The following EML6 variants were observed in gnomAD, a reference collection of about 807,000 sequenced individuals.
EML6 encodes echinoderm microtubule-associated protein-like 6.
A neutral mutation model predicts 240.1 loss-of-function variants in EML6; 154 were observed. The observed-to-expected ratio is 0.64, with a 90% confidence interval of 0.56 to 0.73. The LOEUF is 0.73. EML6 is among the 30% of genes least tolerant of loss of function. The pLI, the probability that EML6 is intolerant of heterozygous loss-of-function variation, is 0.00. For missense variants in EML6, 2,964 were observed against 2,474.6 expected (o/e 1.20, Z -4.20); for synonymous variants, 1,148 against 899.0 (o/e 1.28, Z -4.95).
At chr2:54,913,318 G>A (rs933333787) in intron 25 of EML6, among the ~76,000 whole-genome samples, 3 of 151,352 alleles carry the variant, frequency 2.0e-5, no homozygotes. Context: ...TACCATCACG[G>A]CTCACTGTAA....
In EML6 at chr2:54,950,685, T is replaced by C. The variant is rs77213467; in HGVS notation, c.4119T>C (p.Gly1373=). Residue 1373 remains glycine (G), a synonymous_variant, in exon 30 of 42, where the codon GGT becomes GGC. Coordinates refer to ENST00000356458, the MANE Select transcript of EML6 (RefSeq NM_001039753.4). ...TAGACCACGTGTTTGGCTACAGAGG[T>C]TTCGACTGTCGAAATAACCTGCATT... ...LALDHVFGYR[G]FDCRNNLHYL... 0.063 allele frequency: 97,877 copies of C among 1,551,466 alleles called. 3,758 individuals are homozygous for C. The highest frequency in any genetic ancestry group is 0.072 in the Non-Finnish European group (82,033 of 1,146,874).
intron 12 of EML6, among the ~76,000 whole-genome samples, chr2:54,862,301 G>A (rs995019831): frequency 2.0e-4 from 25 of 124,278 alleles, no homozygotes; most frequent in Admixed American, 1.4e-3. Context: ...TTGTGCCACC[G>A]CACTCCAGCC....
At chr2:54,762,297 G>A (rs931756550) in intron 2 of EML6, among the ~76,000 whole-genome samples, 2 of 152,140 alleles carry the variant, frequency 1.3e-5, no homozygotes, top group Admixed American at 6.5e-5. Flanking sequence ...TACCTCAGAA[G>A]TGATAGTGTG....
chr2:54,859,761 G>A (rs1201255467), intron 12 of EML6, 60 bp downstream of exon 12: 6 of 1,384,856 alleles, frequency 4.3e-6, no homozygotes, highest in South Asian at 1.4e-5. Context: ...TTCAAAGAAT[G>A]GTCTAACATG....
intron 2 of EML6, among the ~76,000 whole-genome samples, chr2:54,799,995 G>A (rs953931249): frequency 2.6e-5 from 4 of 152,016 alleles, no homozygotes; most frequent in Non-Finnish European, 4.4e-5. Flanking sequence ...CCTGTAATCT[G>A]AGCAATTTGA....
chr2:54,793,179 A>G (rs993156268), intron 2 of EML6, among the ~76,000 whole-genome samples: 1 of 152,174 alleles, frequency 6.6e-6, no homozygotes, highest in African/African-American at 2.4e-5. Flanking sequence ...AGGCAGGAGA[A>G]TTGCTTGAAC....
intron 16 of EML6, among the ~76,000 whole-genome samples, chr2:54,872,781 T>C (rs1020572734): frequency 2.0e-5 from 3 of 152,244 alleles, no homozygotes; most frequent in African/African-American, 7.2e-5. Context: ...CATGTGTCTT[T>C]TCAAGTCCTC....
intron 24 of EML6, among the ~76,000 whole-genome samples, chr2:54,904,020 T>C (rs901883126): frequency 6.6e-6 from 1 of 152,196 alleles, no homozygotes; most frequent in East Asian, 1.9e-4. Context: ...TGCCCACAAA[T>C]GCCATGAGGA....
At chr2:54,785,286 G>A (rs1053572791) in intron 2 of EML6, among the ~76,000 whole-genome samples, 5 of 149,802 alleles carry the variant, frequency 3.3e-5, no homozygotes, top group African/African-American at 1.2e-4. Flanking sequence ...AGTGATTCTC[G>A]TGCCTCAGCC....
chr2:54,894,682 G>A (rs1573091045), intron 19 of EML6, among the ~76,000 whole-genome samples: 1 of 152,196 alleles, frequency 6.6e-6, no homozygotes, highest in Non-Finnish European at 1.5e-5. Flanking sequence ...TTGTTCTGAG[G>A]AGAGTGCAGT....
intron 3 of EML6, among the ~76,000 whole-genome samples, chr2:54,815,040 G>T (rs534339334): frequency 6.6e-6 from 1 of 152,312 alleles, no homozygotes; most frequent in Admixed American, 6.5e-5. Context: ...GTACTGGTAT[G>T]CACCTTCTCT....
intron 34 of EML6, among the ~76,000 whole-genome samples, chr2:54,959,956 A>T (rs1039996559): frequency 6.6e-6 from 1 of 152,200 alleles, no homozygotes; most frequent in African/African-American, 2.4e-5. Flanking sequence ...AAAAAGTCTG[A>T]ATTTCCAAAT....
intron 7 of EML6, among the ~76,000 whole-genome samples, chr2:54,843,127 C>T (rs1669550660): frequency 6.6e-6 from 1 of 152,174 alleles, no homozygotes; most frequent in East Asian, 1.9e-4. Context: ...GATAGCAAAT[C>T]TGAAGGAAAT....
chr2:54,955,806 C>A (rs1347557563), intron 32 of EML6, among the ~76,000 whole-genome samples: 1 of 152,226 alleles, frequency 6.6e-6, no homozygotes, highest in East Asian at 1.9e-4. Context: ...TGAGCCAGTG[C>A]TGATATGTGA....
At chr2:54,961,931 G>C (rs370025044) in intron 35 of EML6, among the ~76,000 whole-genome samples, 1 of 151,680 alleles carries the variant, frequency 6.6e-6, no homozygotes, top group Admixed American at 6.5e-5. Context: ...TTGAACCCAG[G>C]AGGCAGAGGT....
rs189445125 is a variant in EML6 at position 54,800,098 on chromosome 2, A to C, written c.198-13134A>C. ...CGTCTCTACTAAAATTACAAAAATT[A>C]GCTGGGTGTGGTGGCACACGCCTGT... On this transcript the variant is annotated intron_variant, in intron 2 of 41. Transcript: ENST00000356458. 2.5e-4 allele frequency among the ~76,000 whole-genome samples: 38 copies of C among 152,198 alleles called. 2 individuals are homozygous for C. In the East Asian group the frequency reaches 5.2e-3, roughly 21 times the overall value.
chr2:54,868,086 A>G (rs1671065235), intron 14 of EML6: 2 of 152,332 alleles, frequency 1.3e-5, no homozygotes, highest in East Asian at 3.9e-4. Context: ...AGAGGAATGT[A>G]AGATATCTCA....
chr2:54,943,667 G>GT (rs1367247265), intron 28 of EML6, among the ~76,000 whole-genome samples: 1 of 152,128 alleles, frequency 6.6e-6, no homozygotes, highest in African/African-American at 2.4e-5. Context: ...TTCTTCTAGA[G>GT]TAGCATTGTC....
At chr2:54,879,174 G>T (rs924027707) in intron 16 of EML6, among the ~76,000 whole-genome samples, 1 of 152,176 alleles carries the variant, frequency 6.6e-6, no homozygotes, top group South Asian at 2.1e-4. Flanking sequence ...TCACAAAATA[G>T]ACATAGTTTT....
Sources: allele counts gnomAD v4.1 joint callset (sites outside exome capture counted in the v4.1 genomes callset), GRCh38; gene constraint gnomAD v4.1.1; transcripts MANE v1.5; gene names NCBI Gene and HGNC (gene_info 2026-07-23, HGNC 2026-07-21).